Variants in REPS2 observed in about 807,000 individuals in gnomAD.
REPS2 encodes the protein RALBP1 associated Eps domain containing 2.
REPS2 carries 23 observed loss-of-function variants against 53.6 expected under a neutral mutation model. The ratio of observed to expected loss-of-function variants is 0.43; its 90% confidence interval spans 0.31 to 0.61. The LOEUF (loss-of-function observed/expected upper bound fraction) is 0.61, where lower values mean the gene tolerates loss of function less well. REPS2 is among the 20% of genes least tolerant of loss of function. The pLI, the probability that REPS2 is intolerant of heterozygous loss-of-function variation, is 0.11. For synonymous variants in REPS2, 238 were observed against 218.6 expected (o/e 1.09, Z -0.78); for missense variants, 446 against 534.9 (o/e 0.83, Z 1.64).
At chrX:16,988,083 G>A (rs1255310087) in intron 1 of REPS2, among the ~76,000 whole-genome samples, 2 of 109,028 alleles carry the variant, frequency 1.8e-5, no homozygotes, top group East Asian at 5.7e-4. Context: ...GACCAGCTTG[G>A]GCAATGTAGG....
intron 17 of REPS2, among the ~76,000 whole-genome samples, chrX:17,141,343 C>A (rs1260276043): frequency 8.9e-6 from 1 of 111,866 alleles, no homozygotes; most frequent in South Asian, 3.7e-4. Context: ...TTTTGAGATT[C>A]ATTTATATTG....
chrX:17,045,231 C>T (rs1158054038), intron 5 of REPS2, among the ~76,000 whole-genome samples: 1 of 108,790 alleles, frequency 9.2e-6, no homozygotes, highest in Non-Finnish European at 1.9e-5. Flanking sequence ...CTGCTCTGGG[C>T]CTGTTTATTT....
chrX:17,178,230 C>T, the REPS2 span, among the ~76,000 whole-genome samples: 1 of 111,881 alleles, frequency 8.9e-6, no homozygotes, highest in African/African-American at 3.3e-5. Context: ...TCACTTTGCA[C>T]AGTAACACAC....
At chrX:17,110,537 C>A (rs766423500) in intron 14 of REPS2, among the ~76,000 whole-genome samples, 5 of 99,345 alleles carry the variant, frequency 5.0e-5, no homozygotes, top group African/African-American at 1.1e-4. Context: ...AAAAAAAAAA[C>A]AAAAATTAGC....
At chrX:17,119,158 TG>T (rs778616917) in intron 14 of REPS2, among the ~76,000 whole-genome samples, 1 of 112,000 alleles carries the variant, frequency 8.9e-6, no homozygotes, top group African/African-American at 3.2e-5. Flanking sequence ...CTCAGCAACT[TG>T]CTTGAGGTCA....
intron 4 of REPS2, among the ~76,000 whole-genome samples, chrX:17,025,638 A>G (rs1245767599): frequency 2.7e-5 from 3 of 112,311 alleles, no homozygotes; most frequent in East Asian, 5.6e-4. Flanking sequence ...ATGAAAATAT[A>G]TAGGTCCTGT....
chrX:17,039,093 G>A (rs1194787198), intron 5 of REPS2, among the ~76,000 whole-genome samples: 2 of 112,094 alleles, frequency 1.8e-5, no homozygotes, highest in African/African-American at 6.5e-5. Context: ...GAGACAGGCA[G>A]CCTTGGCCTG....
chrX:16,951,522 C>T (rs1213086925), intron 1 of REPS2, among the ~76,000 whole-genome samples: 1 of 43,614 alleles, frequency 2.3e-5, no homozygotes, highest in East Asian at 2.0e-3. Context: ...CACACACACA[C>T]ACACACACAC....
intron 14 of REPS2, among the ~76,000 whole-genome samples, chrX:17,112,060 C>T (rs1217397001): frequency 9.1e-6 from 1 of 110,175 alleles, no homozygotes; most frequent in East Asian, 2.8e-4. Context: ...CCTCAACCTC[C>T]TGGGCTGAAG....
chrX:17,140,972 G>A (rs1005087535), intron 17 of REPS2, among the ~76,000 whole-genome samples: 1 of 110,605 alleles, frequency 9.0e-6, no homozygotes, highest in African/African-American at 3.3e-5. Context: ...GGGTTTCACT[G>A]TGTTAGCCAG....
chrX:16,948,486 AG>A (rs1004566003), intron 1 of REPS2, among the ~76,000 whole-genome samples: 1 of 112,469 alleles, frequency 8.9e-6, no homozygotes, highest in African/African-American at 3.2e-5. Flanking sequence ...TGAGGCCCTC[AG>A]AATAGTCCCG....
chrX:17,077,501 A>G, intron 13 of REPS2, 94 bp downstream of exon 13: 1 of 936,608 alleles, frequency 1.1e-6, no homozygotes, highest in East Asian at 3.4e-5. Flanking sequence ...CCGGAGAAAG[A>G]GCAGACCTGG....
rs2061895918 is a variant in REPS2, at chrX:17,045,692, A to G, written c.772-1655A>G. On this transcript the variant is annotated intron_variant, in intron 5 of 17. Transcript: ENST00000357277. ...TGACTAAAGGACCCAGATGACTTTGAGGAATAGCCTGTTTGCTGGGTGCAT... is the reference window on the plus strand; with the variant it reads ...TGACTAAAGGACCCAGATGACTTTGGGGAATAGCCTGTTTGCTGGGTGCAT... Among the ~76,000 whole-genome samples the G allele has an allele frequency of 2.7e-5, 3 of 109,624 alleles. No individual in the cohort carries two copies. The Admixed American group carries it at 3.0e-4, about 11-fold the overall frequency.
intron 14 of REPS2, among the ~76,000 whole-genome samples, chrX:17,116,094 G>A (rs2063050629): frequency 1.8e-5 from 2 of 111,112 alleles, no homozygotes; most frequent in Non-Finnish European, 3.8e-5. Context: ...TTAATTTTAG[G>A]ACATTTAGTG....
rs1040859991 is a variant in REPS2 at position 17,086,402 on chromosome X, G to C, written c.1516+8995G>C. On this transcript the variant is annotated intron_variant, in intron 13 of 17. Transcript: ENST00000357277. Reference sequence around the variant, plus strand: ...GATCCCAGCGACCTTTCAAATAATGGTTTTATCAGCTATTGATCATCATTG... The same window carrying C: ...GATCCCAGCGACCTTTCAAATAATGCTTTTATCAGCTATTGATCATCATTG... Among the ~76,000 whole-genome samples, 4 of 112,442 alleles carry C rather than the reference G, an allele frequency of 3.6e-5. No individual in the cohort carries two copies. The East Asian group carries it at 1.1e-3, about 31-fold the overall frequency.
intron 5 of REPS2, among the ~76,000 whole-genome samples, chrX:17,032,111 T>G (rs2061715774): frequency 8.9e-6 from 1 of 111,754 alleles, no homozygotes; most frequent in Non-Finnish European, 1.9e-5. Context: ...CAGTGTTTGA[T>G]GTCAGGAACT....
chrX:17,110,691 T>TCAAACAAA (rs112473755), intron 14 of REPS2, among the ~76,000 whole-genome samples: 1 of 107,144 alleles, frequency 9.3e-6, no homozygotes, highest in South Asian at 4.1e-4. Context: ...AAACTCTGTC[T>TCAAACAAA]CAAACAAACA....
rs2063584255 is a variant in REPS2, at chrX:17,153,080, A to C, written c.*5599A>C. On this transcript the variant is annotated 3_prime_UTR_variant, in exon 18 of 18. Transcript: ENST00000357277. ...CATTCATTTGCTAAGCATTGGGAACATTATGTATATTGACCTTAAACATAG... is the reference window on the plus strand; with the variant it reads ...CATTCATTTGCTAAGCATTGGGAACCTTATGTATATTGACCTTAAACATAG... 1 of 112,677 alleles carries C rather than the reference A, an allele frequency of 8.9e-6. No individual in the cohort carries two copies. Among genetic ancestry groups the C allele is most frequent in the South Asian group, 3.6e-4 (1 of 2,741 alleles). The allele number at this position is 112,677 out of a possible 1,213,427, so 9.3% of individuals were successfully genotyped here. A position where few individuals can be genotyped will look rare whatever the true frequency, so the allele number is the denominator to read the frequency against.
In REPS2 at chrX:17,075,678, A is replaced by C. The variant is rs943739686; in HGVS notation, c.1379+1519A>C. Among the ~76,000 whole-genome samples, 10 of 112,495 alleles carry C rather than the reference A, an allele frequency of 8.9e-5. No homozygotes were observed. In the East Asian group the frequency reaches 2.8e-3, roughly 31 times the overall value. ...AATCTCACTTATTTTATATTCAGTA[A>C]CTTTCCATATGAAGATATAAACATA... On this transcript the variant is annotated intron_variant, in intron 12 of 17. Transcript: ENST00000357277.
Sources: allele counts gnomAD v4.1 joint callset (sites outside exome capture counted in the v4.1 genomes callset), GRCh38; gene constraint gnomAD v4.1.1; transcripts MANE v1.5; gene names NCBI Gene and HGNC (gene_info 2026-07-23, HGNC 2026-07-21).